The following COL28A1 variants were observed in gnomAD, a reference collection of about 807,000 sequenced individuals.
COL28A1 encodes the protein collagen alpha-1(XXVIII) chain.
A neutral mutation model predicts 150.2 loss-of-function variants in COL28A1; 161 were observed. The ratio of observed to expected loss-of-function variants is 1.07; its 90% CI spans 0.94 to 1.22. COL28A1 has a LOEUF of 1.22. COL28A1 is among the 50% of genes most tolerant of loss of function. The pLI is 0.00. For synonymous variants in COL28A1, 552 were observed against 469.7 expected, an observed-to-expected ratio of 1.18 and a Z score of -2.26; for missense variants, 1,617 against 1,388.3, an observed-to-expected ratio of 1.16 and a Z score of -2.62.
At chr7:7,543,180 A>G in the COL28A1 span, among the ~76,000 whole-genome samples, 12 of 152,308 alleles carry the variant, frequency 7.9e-5, no homozygotes, top group South Asian at 2.3e-3. Context: ...AAATTCTTAT[A>G]TCTTTAGCCA....
chr7:7,445,246 A>G (rs1379010095), intron 18 of COL28A1, among the ~76,000 whole-genome samples: 1 of 152,246 alleles, frequency 6.6e-6, no homozygotes, highest in African/African-American at 2.4e-5. Context: ...CTATAAGAAG[A>G]GGAAAATGCC....
intron 13 of COL28A1, among the ~76,000 whole-genome samples, chr7:7,479,678 A>G (rs573190848): frequency 1.3e-5 from 2 of 152,236 alleles, no homozygotes; most frequent in Non-Finnish European, 2.9e-5. Context: ...TTCAATTGCA[A>G]TGATTCAAAT....
At chr7:7,452,181 C>A in intron 18 of COL28A1, 138 bp downstream of exon 18, 1 of 1,275,530 alleles carries the variant, frequency 7.8e-7, no homozygotes, top group Non-Finnish European at 1.0e-6. Context: ...TAGTAGTAGC[C>A]GCACTTAAAA....
At chr7:7,375,606 CTT>C in intron 30 of COL28A1, 109 bp from the exon 31 acceptor site, 1 of 584,262 alleles carries the variant, frequency 1.7e-6, no homozygotes. Flanking sequence ...TGATTTAATC[CTT>C]CCACTGCAGA....
Position 7,432,393 on chromosome 7 carries a change from A to C in COL28A1, c.1998+80T>G, listed in dbSNP as rs1367712737. 4 of 1,163,634 alleles carry C rather than the reference A, an allele frequency of 3.4e-6. No individual in the cohort carries two copies. In the African/African-American group the frequency reaches 6.1e-5, roughly 18 times the overall value. The allele number at this position is 1,163,634 out of a possible 1,614,324, so 72.1% of individuals were successfully genotyped here. The stretch of plus-strand genomic sequence containing the variant: ...GACACCTCTACTCTTCTAGCTGATA[A>C]AAAATTTTATTTTTACCAAAGTCAC... On this transcript the variant is annotated intron_variant, in intron 25 of 34. Transcript: ENST00000399429.
the COL28A1 span, among the ~76,000 whole-genome samples, chr7:7,349,001 C>T: frequency 6.6e-6 from 1 of 152,110 alleles, no homozygotes; most frequent in Non-Finnish European, 1.5e-5. Flanking sequence ...CCTCCTCAGA[C>T]TCCTAAATAG....
At chr7:7,454,188 G>A (rs577082219) in intron 16 of COL28A1, among the ~76,000 whole-genome samples, 2 of 152,250 alleles carry the variant, frequency 1.3e-5, no homozygotes, top group South Asian at 4.1e-4. Context: ...ACAAAAATCT[G>A]TGGGCCATTT....
chr7:7,413,053 G>A (rs1172483666), intron 27 of COL28A1, among the ~76,000 whole-genome samples: 2 of 152,026 alleles, frequency 1.3e-5, no homozygotes, highest in African/African-American at 2.4e-5. Flanking sequence ...CTCTATTTAT[G>A]GGCTTCAGAT....
chr7:7,383,563 G>A (rs1469218443), intron 27 of COL28A1, among the ~76,000 whole-genome samples: 1 of 151,512 alleles, frequency 6.6e-6, no homozygotes, highest in South Asian at 2.1e-4. Context: ...ACAGGCATGA[G>A]CCACCACACC....
the COL28A1 span, among the ~76,000 whole-genome samples, chr7:7,349,124 C>T: frequency 2.0e-5 from 3 of 152,008 alleles, no homozygotes; most frequent in Non-Finnish European, 4.4e-5. Context: ...TATTTTTTGA[C>T]ATATGGACCT....
chr7:7,522,459 C>A (rs1408453093), intron 4 of COL28A1, among the ~76,000 whole-genome samples: 2 of 152,036 alleles, frequency 1.3e-5, no homozygotes, highest in Admixed American at 6.6e-5. Context: ...TAAGATGCAC[C>A]TTCTTCCTCA....
At chr7:7,474,704 C>G (rs777521093) in intron 14 of COL28A1, 35 bp from the exon 15 acceptor site, 2 of 904,720 alleles carry the variant, frequency 2.2e-6, no homozygotes, top group Middle Eastern at 2.1e-4. Flanking sequence ...AATGCACCAA[C>G]CAAAATCTGA....
chr7:7,518,784 C>T (rs565387568), intron 6 of COL28A1, among the ~76,000 whole-genome samples: 3 of 152,252 alleles, frequency 2.0e-5, no homozygotes, highest in African/African-American at 7.2e-5. Context: ...AAAACCACTT[C>T]CAGAAAAAAA....
intron 27 of COL28A1, among the ~76,000 whole-genome samples, chr7:7,383,248 TG>T (rs1263980730): frequency 3.4e-4 from 47 of 138,916 alleles, no homozygotes; most frequent in African/African-American, 1.4e-3. Flanking sequence ...ATCTTTTTTT[TG>T]TTGTGTGTGT....
In COL28A1 at chr7:7,419,951, T is replaced by C; in HGVS notation, c.2001A>G (p.Gly667=). ...LRGVGDTGAK[G]EPGVRGPPGP... is the part of the protein sequence containing the mutation. ...CTGGAGGGCCTCTGACCCCAGGCTCTCCCTGAAAAGACACAACAAATAACA... is the reference window on the plus strand; with the variant it reads ...CTGGAGGGCCTCTGACCCCAGGCTCCCCCTGAAAAGACACAACAAATAACA... The change falls in exon 26 of 35, where the codon GGA becomes GGG. Residue 667 remains glycine (G), a splice_region_variant and synonymous_variant. Coordinates refer to ENST00000399429, the MANE Select transcript of COL28A1 (RefSeq NM_001037763.3). The C allele has an allele frequency of 6.3e-7, 1 of 1,585,250 alleles. No individual in the cohort carries two copies. The highest frequency in any genetic ancestry group is 1.2e-5 in the South Asian group (1 of 85,410).
chr7:7,436,337 A>C, intron 23 of COL28A1, 58 bp downstream of exon 23: 1 of 894,030 alleles, frequency 1.1e-6, no homozygotes, highest in Admixed American at 1.7e-5. Context: ...TTATGCATTA[A>C]ATCTACCTTC....
intron 27 of COL28A1, among the ~76,000 whole-genome samples, chr7:7,384,076 G>A (rs920682441): frequency 3.3e-5 from 5 of 152,144 alleles, no homozygotes; most frequent in African/African-American, 1.2e-4. Context: ...TAAACTGTTT[G>A]TAGGTATGGT....
chr7:7,363,064 A>T (rs1483514968), intron 33 of COL28A1, among the ~76,000 whole-genome samples: 1 of 152,186 alleles, frequency 6.6e-6, no homozygotes, highest in Non-Finnish European at 1.5e-5. Context: ...TTCAGGAAAA[A>T]AAGTACTGGT....
intron 27 of COL28A1, among the ~76,000 whole-genome samples, chr7:7,392,947 G>T (rs1414849005): frequency 6.6e-6 from 1 of 151,842 alleles, no homozygotes; most frequent in African/African-American, 2.4e-5. Flanking sequence ...GAGGAGTTTG[G>T]TATTACTCAC....
Sources: gnomAD v4.1 joint callset for allele counts (sites outside exome capture counted in the v4.1 genomes callset) on GRCh38, gnomAD v4.1.1 for gene constraint, MANE v1.5 for transcripts, NCBI Gene and HGNC (gene_info 2026-07-23, HGNC 2026-07-21) for gene names.